Variants in USP39 observed in about 807,000 individuals in gnomAD.
The protein encoded by USP39 is ubiquitin carboxyl-terminal hydrolase 39.
Under a neutral mutation model 66.4 loss-of-function variants are expected in USP39, and 38 were observed. That is an observed-to-expected ratio of 0.57 (90% confidence interval 0.44 to 0.75). USP39 has a LOEUF of 0.75. Ranked by LOEUF, USP39 falls within the 30% of genes least tolerant of loss-of-function variation. USP39 has a pLI of 0.00. For synonymous variants in USP39, 303 were observed against 274.6 expected (o/e 1.10, Z -1.02); for missense variants, 608 against 714.4 (o/e 0.85, Z 1.70).
intron 9 of USP39, among the ~76,000 whole-genome samples, chr2:85,640,585 GGTTA>G (rs1440537386): frequency 3.3e-5 from 5 of 149,646 alleles, no homozygotes; most frequent in Non-Finnish European, 7.4e-5. Context: ...CACCGTGCCT[GGTTA>G]GTTTTCTTTC....
At chr2:85,612,341 C>A, upstream of USP39, 2 of 1,536,104 alleles carry the variant, frequency 1.3e-6, no homozygotes, top group South Asian at 1.2e-5. Flanking sequence ...TACGGCGGTG[C>A]CTTCCCATCT....
chr2:85,622,510 C>T (rs900488376), intron 3 of USP39, among the ~76,000 whole-genome samples: 4 of 151,980 alleles, frequency 2.6e-5, no homozygotes, highest in Admixed American at 2.0e-4. Flanking sequence ...CCTGTACCTC[C>T]CAAAGTGCTG....
upstream of USP39, chr2:85,608,549 T>C (rs1673301224): frequency 6.2e-6 from 1 of 161,248 alleles, no homozygotes; most frequent in Non-Finnish European, 1.3e-5. Flanking sequence ...AGAAGAAACA[T>C]AAAATAACAA....
intron 8 of USP39, among the ~76,000 whole-genome samples, chr2:85,638,712 T>G (rs1675991483): frequency 2.0e-5 from 3 of 151,974 alleles, no homozygotes; most frequent in Admixed American, 2.0e-4. Flanking sequence ...TTATTTTGTA[T>G]TTTTAGTAGA....
Position 85,634,056 on chromosome 2 carries a change from C to T in USP39, c.950-1997C>T, listed in dbSNP as rs185592069. Among the ~76,000 whole-genome samples the T allele has an allele frequency of 5.9e-3, 889 of 150,570 alleles. 13 individuals carry two copies. The highest frequency in any genetic ancestry group is 0.02 in the African/African-American group (841 of 41,164). On this transcript the variant is annotated intron_variant, in intron 6 of 12. Coordinates refer to ENST00000323701, the MANE Select transcript of USP39 (RefSeq NM_006590.4). The stretch of plus-strand genomic sequence containing the variant: ...GTTTCACCGTTTTAGCCGGGATGGT[C>T]TCGATCTCCTGACCTCGTGATCCGT...
chr2:85,622,122 ATTT>A (rs1196215457), intron 3 of USP39, among the ~76,000 whole-genome samples: 1 of 141,468 alleles, frequency 7.1e-6, no homozygotes, highest in African/African-American at 2.6e-5. Flanking sequence ...GCCCGGCCTA[ATTT>A]TTTTTTTTTT....
upstream of USP39, chr2:85,612,003 A>G: frequency 6.7e-7 from 1 of 1,490,110 alleles, no homozygotes. Context: ...GGGGACGCAG[A>G]GTCGCCGCCG....
At chr2:85,605,591 T>G (rs926172823) in intron 1 of USP39, among the ~76,000 whole-genome samples, 12 of 152,182 alleles carry the variant, frequency 7.9e-5, no homozygotes, top group African/African-American at 2.9e-4. Flanking sequence ...ATATTTTAAG[T>G]AATTGTCAAC....
intron 6 of USP39, among the ~76,000 whole-genome samples, chr2:85,634,314 C>G (rs375424295): frequency 1.6e-4 from 25 of 152,098 alleles, no homozygotes; most frequent in African/African-American, 6.0e-4. Context: ...TGGCTCATGC[C>G]TGTAATCCCA....
chr2:85,623,290 A>T (rs573574802), intron 3 of USP39, among the ~76,000 whole-genome samples: 1 of 151,896 alleles, frequency 6.6e-6, no homozygotes, highest in South Asian at 2.1e-4. Context: ...ATATGCATAG[A>T]TATTTCTAGT....
At chr2:85,622,018 C>T (rs1357650540) in intron 3 of USP39, among the ~76,000 whole-genome samples, 1 of 152,036 alleles carries the variant, frequency 6.6e-6, no homozygotes, top group Non-Finnish European at 1.5e-5. Context: ...CGGGGTTTCA[C>T]CATGTTGGCC....
chr2:85,634,090 G>A lies in USP39; in HGVS notation c.950-1963G>A, dbSNP rs1252655868. Among the ~76,000 whole-genome samples, 5 of 151,092 alleles carry A rather than the reference G, an allele frequency of 3.3e-5. No individual in the cohort carries two copies. The East Asian group carries it at 9.9e-4, about 30-fold the overall frequency. On this transcript the variant is annotated intron_variant, in intron 6 of 12. Coordinates refer to ENST00000323701, the MANE Select transcript of USP39 (RefSeq NM_006590.4). ...CTGACCTCGTGATCCGTCCGCCTCG[G>A]CCTCCCAAAGTGCTGGGATTACAGG...
intron 9 of USP39, 33 bp downstream of exon 9, chr2:85,639,424 T>C: frequency 6.4e-7 from 1 of 1,558,954 alleles, no homozygotes; most frequent in South Asian, 1.2e-5. Flanking sequence ...CTGCCTATAC[T>C]TACCCTCGCT....
At chr2:85,646,924 A>G (rs187303817) in intron 11 of USP39, among the ~76,000 whole-genome samples, 10 of 132,918 alleles carry the variant, frequency 7.5e-5, no homozygotes, top group Middle Eastern at 5.0e-3. Flanking sequence ...GTCTCACCCT[A>G]TCACCCAGGA....
chr2:85,631,312 C>CT lies in USP39; in HGVS notation c.949+366_949+367insT, dbSNP rs1409521856. 3.0e-5 allele frequency among the ~76,000 whole-genome samples: 4 copies of CT among 132,908 alleles called. No individual in the cohort carries two copies. In the East Asian group the frequency reaches 8.8e-4, roughly 29 times the overall value. 87.2% of individuals were successfully genotyped at this position (132,908 alleles called of 152,430 possible). A position where few individuals can be genotyped will look rare whatever the true frequency, so the allele number is the denominator to read the frequency against. On this transcript the variant is annotated intron_variant, in intron 6 of 12. Coordinates refer to ENST00000323701, the MANE Select transcript of USP39 (RefSeq NM_006590.4). ...TACAGGCATGAGCCACTGCGCCCGG[C>CT]CTTTTTTTTTTTTTTTTTTTTAAGA...
chr2:85,619,269 G>A lies in USP39; in HGVS notation c.318G>A (p.Pro106=), dbSNP rs753735784. ...DSEDRRSRHC[P]YLDTINRSVL... The stretch of plus-strand genomic sequence containing the variant: ...AGGACCGGAGGAGCCGCCACTGCCC[G>A]TACCTGGACACCATTAACAGGTCAG... The change falls in exon 2 of 13, where the codon CCG becomes CCA. Residue 106 remains proline (P), a synonymous_variant. Coordinates refer to ENST00000323701, the MANE Select transcript of USP39 (RefSeq NM_006590.4). 2.5e-5 allele frequency: 40 copies of A among 1,613,532 alleles called. No homozygotes were observed. The highest frequency in any genetic ancestry group is 4.0e-5 in the African/African-American group (3 of 74,842).
Position 85,643,309 on chromosome 2 carries a change from T to C in USP39, c.1428-1639T>C, listed in dbSNP as rs60367147. Among the ~76,000 whole-genome samples, 400 of 151,896 alleles carry C rather than the reference T, an allele frequency of 2.6e-3. 17 individuals carry two copies. The East Asian group carries it at 0.068, about 26-fold the overall frequency. Reference sequence around the variant, plus strand: ...ATCGAGACCATCCTGGCTAACACGGTGAAACCCCGTCTCTACTAAAAATTC... The same window carrying C: ...ATCGAGACCATCCTGGCTAACACGGCGAAACCCCGTCTCTACTAAAAATTC... On this transcript the variant is annotated intron_variant, in intron 10 of 12. Transcript: ENST00000323701.
intron 6 of USP39, among the ~76,000 whole-genome samples, chr2:85,634,328 C>T (rs1675600512): frequency 6.6e-6 from 1 of 151,910 alleles, no homozygotes; most frequent in African/African-American, 2.4e-5. Context: ...AATCCCAGCA[C>T]TTTGGGAGGC....
At chr2:85,645,138 T>C in intron 11 of USP39, 55 bp downstream of exon 11, 2 of 1,610,356 alleles carry the variant, frequency 1.2e-6, no homozygotes, top group Non-Finnish European at 1.7e-6. Context: ...GGTGTTTCTT[T>C]GGCATCTCAG....
Sources: gnomAD v4.1 joint callset for allele counts (sites outside exome capture counted in the v4.1 genomes callset) on GRCh38, gnomAD v4.1.1 for gene constraint, MANE v1.5 for transcripts, NCBI Gene and HGNC (gene_info 2026-07-23, HGNC 2026-07-21) for gene names.